Variants in MEGF10 observed in about 807,000 individuals in gnomAD.
The protein encoded by MEGF10 is multiple EGF like domains 10, also known as multiple epidermal growth factor-like domains protein 10.
Under a neutral mutation model 147.5 loss-of-function variants are expected in MEGF10, and 86 were observed. That is an observed-to-expected ratio of 0.58 (90% confidence interval 0.49 to 0.70). MEGF10 has a LOEUF of 0.70. Among genes scored for constraint, MEGF10 ranks in the 30% least tolerant of loss-of-function variants. MEGF10 has a pLI of 0.00. For synonymous variants in MEGF10, 478 were observed against 525.5 expected (o/e 0.91, Z 1.24); for missense variants, 1,329 against 1,487.3 (o/e 0.89, Z 1.75).
chr5:127,423,164 T>C (rs931082614), intron 13 of MEGF10, among the ~76,000 whole-genome samples: 2 of 152,238 alleles, frequency 1.3e-5, no homozygotes, highest in African/African-American at 4.8e-5. Flanking sequence ...ATATGGTGAA[T>C]ATGCATATGC....
At chr5:127,243,273 T>G in the MEGF10 span, among the ~76,000 whole-genome samples, 1 of 152,280 alleles carries the variant, frequency 6.6e-6, no homozygotes, top group East Asian at 1.9e-4. Flanking sequence ...ATGGGCATAT[T>G]TCCCTGTCCT....
intron 13 of MEGF10, among the ~76,000 whole-genome samples, chr5:127,423,847 A>G (rs1388598276): frequency 6.6e-6 from 1 of 152,044 alleles, no homozygotes; most frequent in African/African-American, 2.4e-5. Flanking sequence ...TTTCTTGATG[A>G]TGACTTTTGC....
the MEGF10 span, among the ~76,000 whole-genome samples, chr5:127,275,078 A>G: frequency 6.6e-6 from 1 of 152,238 alleles, no homozygotes; most frequent in Non-Finnish European, 1.5e-5. Flanking sequence ...AGGCACCAGC[A>G]GACAAGCCCT....
chr5:127,373,666 A>T (rs920210422), intron 5 of MEGF10, among the ~76,000 whole-genome samples: 1 of 152,194 alleles, frequency 6.6e-6, no homozygotes, highest in Non-Finnish European at 1.5e-5. Flanking sequence ...AACACAGAGT[A>T]ACTGGAAAGG....
the MEGF10 span, among the ~76,000 whole-genome samples, chr5:127,261,206 C>A: frequency 6.6e-6 from 1 of 152,038 alleles, no homozygotes; most frequent in African/African-American, 2.4e-5. Context: ...TATTTCATTA[C>A]CTCCAAAAAG....
chr5:127,451,787 AT>A (rs1400367803), intron 22 of MEGF10, among the ~76,000 whole-genome samples: 1 of 152,214 alleles, frequency 6.6e-6, no homozygotes, highest in Non-Finnish European at 1.5e-5. Context: ...CTCAGGAATA[AT>A]TCTGCATTTA....
rs1362181401 is a variant in MEGF10, at chr5:127,364,545, C to A, written c.320-5365C>A. 2.0e-5 allele frequency among the ~76,000 whole-genome samples: 3 copies of A among 152,116 alleles called. No homozygotes were observed. In the South Asian group the frequency reaches 6.2e-4, roughly 32 times the overall value. ...ACCTAGTGCATCAGTACATATTAAA[C>A]TGAAGAAAAAGAGAATTCCCTTTCC... On this transcript the variant is annotated intron_variant, in intron 4 of 24. Coordinates refer to ENST00000503335, the MANE Select transcript of MEGF10 (RefSeq NM_001256545.2).
At chr5:127,331,587 C>A (rs116608781) in intron 2 of MEGF10, among the ~76,000 whole-genome samples, 163 bp downstream of exon 2, 1 of 152,058 alleles carries the variant, frequency 6.6e-6, no homozygotes, top group African/African-American at 2.4e-5. Context: ...GTGTTAGTCA[C>A]CTTGGTCTTA....
At chr5:127,345,047 G>T (rs1267757919) in intron 4 of MEGF10, among the ~76,000 whole-genome samples, 2 of 152,270 alleles carry the variant, frequency 1.3e-5, no homozygotes, top group South Asian at 4.2e-4. Context: ...TACATTGAGG[G>T]CCAGAGCGTC....
In MEGF10 at chr5:127,456,896, C is replaced by T. The variant is rs142788772; in HGVS notation, c.3233-232C>T. Among the ~76,000 whole-genome samples the T allele has an allele frequency of 9.9e-5, 15 of 152,260 alleles. No individual in the cohort carries two copies. In the East Asian group the frequency reaches 1.3e-3, roughly 14 times the overall value. ...GTATATTCCCTTAATATCTTCATCC[C>T]GATTATGTGGTCCTCCTTTTGTTCT... On this transcript the variant is annotated intron_variant, in intron 24 of 24. Coordinates refer to ENST00000503335, the MANE Select transcript of MEGF10 (RefSeq NM_001256545.2).
intron 17 of MEGF10, among the ~76,000 whole-genome samples, chr5:127,440,328 T>G (rs1004552946): frequency 1.3e-5 from 2 of 152,196 alleles, no homozygotes; most frequent in African/African-American, 4.8e-5. Flanking sequence ...GTACTACAAG[T>G]AAAAGCATAC....
the MEGF10 span, among the ~76,000 whole-genome samples, chr5:127,246,634 AGATTT>A: frequency 6.6e-6 from 1 of 151,382 alleles, no homozygotes; most frequent in African/African-American, 2.4e-5. Flanking sequence ...ATGAAAACTT[AGATTT>A]AAGTCTAAAG....
chr5:127,391,110 A>G (rs868820457), intron 5 of MEGF10, among the ~76,000 whole-genome samples: 775 of 42,454 alleles, frequency 0.018, 10 homozygotes, highest in African/African-American at 0.033. Context: ...GCGCACACAC[A>G]CACACACACA....
chr5:127,389,725 A>G (rs150698522), intron 5 of MEGF10, among the ~76,000 whole-genome samples: 3,670 of 152,268 alleles, frequency 0.024, 58 homozygotes, highest in Admixed American at 0.063. Flanking sequence ...AATACCGAGA[A>G]CACATGGACA....
the MEGF10 span, among the ~76,000 whole-genome samples, chr5:127,231,163 C>T: frequency 6.6e-6 from 1 of 152,202 alleles, no homozygotes; most frequent in South Asian, 2.1e-4. Flanking sequence ...TTTCTAATTC[C>T]ACTCTTCACC....
At chr5:127,333,997 T>C (rs979215690) in intron 2 of MEGF10, among the ~76,000 whole-genome samples, 1 of 152,172 alleles carries the variant, frequency 6.6e-6, no homozygotes, top group Non-Finnish European at 1.5e-5. Context: ...TTGACAGCTA[T>C]AATCTTCTTA....
chr5:127,256,223 T>TA, the MEGF10 span, among the ~76,000 whole-genome samples: 15 of 152,202 alleles, frequency 9.9e-5, no homozygotes, highest in African/African-American at 3.4e-4. Context: ...TAAGAAATGT[T>TA]AAAAAAAATT....
chr5:127,233,705 A>G, the MEGF10 span, among the ~76,000 whole-genome samples: 21 of 152,342 alleles, frequency 1.4e-4, no homozygotes, highest in East Asian at 4.1e-3. Flanking sequence ...AAGAAAGCAC[A>G]GTAGAGGATG....
At chr5:127,315,375 A>ACG (rs1760480183) in intron 1 of MEGF10, among the ~76,000 whole-genome samples, 1 of 152,198 alleles carries the variant, frequency 6.6e-6, no homozygotes, top group African/African-American at 2.4e-5. Context: ...ACAAACACTT[A>ACG]TGTACATTTG....
Sources: gnomAD v4.1 joint callset for allele counts (sites outside exome capture counted in the v4.1 genomes callset) on GRCh38, gnomAD v4.1.1 for gene constraint, MANE v1.5 for transcripts, NCBI Gene and HGNC (gene_info 2026-07-23, HGNC 2026-07-21) for gene names.